Variants in NDEL1 observed in about 807,000 individuals in gnomAD.
NDEL1 encodes nuclear distribution protein nudE-like 1.
A neutral mutation model predicts 45.7 loss-of-function variants in NDEL1; 9 were observed. That is an observed-to-expected ratio of 0.20 (90% CI 0.12 to 0.34). NDEL1 has a LOEUF of 0.34. Ranked by LOEUF, NDEL1 falls within the 10% of genes least tolerant of loss-of-function variation. The pLI, the probability that NDEL1 is intolerant of heterozygous loss-of-function variation, is 1.00. For synonymous variants in NDEL1, 133 were observed against 158.6 expected, an observed-to-expected ratio of 0.84 and a Z score of 1.21; for missense variants, 306 against 406.2, an observed-to-expected ratio of 0.75 and a Z score of 2.12.
chr17:8,419,265 G>A (rs1439309077), intron 1 of NDEL1, among the ~76,000 whole-genome samples: 5 of 152,060 alleles, frequency 3.3e-5, no homozygotes, highest in East Asian at 1.9e-4. Flanking sequence ...TCAAAGTAAC[G>A]TGTATTTGCT....
At chr17:8,425,510 A>T (rs1263602960) in intron 1 of NDEL1, among the ~76,000 whole-genome samples, 2 of 151,634 alleles carry the variant, frequency 1.3e-5, no homozygotes, top group Non-Finnish European at 2.9e-5. Flanking sequence ...TGAGCCCAGG[A>T]GGTCAAGGCT....
intron 8 of NDEL1, chr17:8,466,113 C>T (rs2151744377): frequency 6.6e-6 from 1 of 152,232 alleles, no homozygotes; most frequent in South Asian, 2.1e-4. Flanking sequence ...TATTTTTCTC[C>T]ACCTTATTAA....
chr17:8,418,671 C>CTCCCTCCT (rs1489939055), intron 1 of NDEL1, among the ~76,000 whole-genome samples: 4 of 150,974 alleles, frequency 2.6e-5, no homozygotes, highest in African/African-American at 9.8e-5. Context: ...CCTTCCCTCC[C>CTCCCTCCT]TCCCTCCTTC....
upstream of NDEL1, among the ~76,000 whole-genome samples, chr17:8,435,164 G>A: frequency 6.6e-6 from 1 of 152,080 alleles, no homozygotes; most frequent in Non-Finnish European, 1.5e-5. Flanking sequence ...GGGACCTGGA[G>A]GGGAGAAAGT....
intron 1 of NDEL1, among the ~76,000 whole-genome samples, chr17:8,442,876 G>A (rs550720485): frequency 1.4e-5 from 2 of 143,538 alleles, no homozygotes; most frequent in South Asian, 2.3e-4. Flanking sequence ...TGCAAGCTCC[G>A]CCTCCCGGGT....
chr17:8,424,249 C>A (rs1265397383), intron 1 of NDEL1, among the ~76,000 whole-genome samples: 12 of 152,186 alleles, frequency 7.9e-5, no homozygotes, highest in Non-Finnish European at 2.9e-5. Flanking sequence ...ATATTGTGGA[C>A]ATTTTCCTTA....
Position 8,446,909 on chromosome 17 carries a change from G to A in NDEL1, c.389+7G>A, listed in dbSNP as rs751011771. 124 of 1,612,796 alleles carry A rather than the reference G, an allele frequency of 7.7e-5. No individual in the cohort carries two copies. Among genetic ancestry groups the A allele is most frequent in the Non-Finnish European group, 1.0e-4 (119 of 1,179,388 alleles). ...ACCTGGAGCGAGCCAAAAGGTAAAC[G>A]AATGACTGCATTTTGTTAGAAAAAA... On this transcript the variant is annotated splice_region_variant and intron_variant, in intron 4 of 8. Coordinates refer to ENST00000334527, the MANE Select transcript of NDEL1 (RefSeq NM_030808.5).
intron 1 of NDEL1, among the ~76,000 whole-genome samples, chr17:8,443,293 G>A (rs1909879147): frequency 6.6e-6 from 1 of 152,192 alleles, no homozygotes; most frequent in Admixed American, 6.5e-5. Context: ...AGCATGTGTG[G>A]GGTACAGAGG....
At chr17:8,457,107 A>T (rs1257681205) in intron 7 of NDEL1, among the ~76,000 whole-genome samples, 1 of 152,158 alleles carries the variant, frequency 6.6e-6, no homozygotes, top group Non-Finnish European at 1.5e-5. Flanking sequence ...AATATTTCGT[A>T]TTGTAGCTGA....
downstream of NDEL1, among the ~76,000 whole-genome samples, chr17:8,471,786 G>T (rs1369954034): frequency 6.6e-6 from 1 of 152,204 alleles, no homozygotes; most frequent in African/African-American, 2.4e-5. Context: ...ATTCCCAAAT[G>T]GCAGGTGCCT....
Position 8,448,640 on chromosome 17 carries a change from G to A in NDEL1, c.480G>A (p.Lys160=), listed in dbSNP as rs777298757. ...NAFLESELDE[K]ESLLVSVQRL... ...TTTTAGAAAGTGAACTTGATGAAAAGGAATCTTTGTTGGTCTCTGTACAGA... is the reference window on the plus strand; with the variant it reads ...TTTTAGAAAGTGAACTTGATGAAAAAGAATCTTTGTTGGTCTCTGTACAGA... The change falls in exon 5 of 9, where the codon AAG becomes AAA. Residue 160 remains lysine (K), a synonymous_variant. Coordinates refer to ENST00000334527, the MANE Select transcript of NDEL1 (RefSeq NM_030808.5). 2 of 1,614,180 alleles carry A rather than the reference G, an allele frequency of 1.2e-6. No homozygotes were observed. Among genetic ancestry groups the A allele is most frequent in the Non-Finnish European group, 1.7e-6 (2 of 1,180,016 alleles).
At chr17:8,468,216 C>G (rs776807321), downstream of NDEL1, 6 of 152,218 alleles carry the variant, frequency 3.9e-5, no homozygotes, top group African/African-American at 1.4e-4. Context: ...AGCTGGGGCC[C>G]GTAAAGCCAG....
chr17:8,445,158 C>T (rs929780186), intron 2 of NDEL1: 8 of 151,728 alleles, frequency 5.3e-5, no homozygotes, highest in African/African-American at 1.9e-4. Flanking sequence ...AATAGAATTA[C>T]AAAGAAAATC....
At chr17:8,466,823 G>C in intron 8 of NDEL1, 107 bp from the exon 9 acceptor site, 1 of 1,136,904 alleles carries the variant, frequency 8.8e-7, no homozygotes, top group Non-Finnish European at 1.3e-6. Context: ...TACAGCCTGC[G>C]AGGAATAGTT....
chr17:8,428,454 T>A (rs1482486745), intron 1 of NDEL1, among the ~76,000 whole-genome samples: 1 of 145,398 alleles, frequency 6.9e-6, no homozygotes, highest in Non-Finnish European at 1.5e-5. Context: ...AACCTCCGCC[T>A]CCCAGGTTCA....
At position 8,467,071 on chromosome 17, in the gene NDEL1, G is replaced by A. The variant is rs771985923; in HGVS notation, c.*48G>A. On this transcript the variant is annotated 3_prime_UTR_variant, in exon 9 of 9. Transcript: ENST00000334527. The surrounding 1 kb of genome is among the most constrained non-coding windows in gnomAD (Gnocchi z 6.3). ...CTCCTGCCCTCCTCCAACAACCCAG[G>A]ACACCCACGCCTCACCCCTCGGTGC... 5.0e-6 allele frequency: 8 copies of A among 1,586,164 alleles called. No individual in the cohort carries two copies. Among genetic ancestry groups the A allele is most frequent in the Non-Finnish European group, 6.9e-6 (8 of 1,156,610 alleles).
intron 1 of NDEL1, among the ~76,000 whole-genome samples, chr17:8,423,935 G>A (rs1182293428): frequency 6.6e-6 from 1 of 152,112 alleles, no homozygotes; most frequent in African/African-American, 2.4e-5. Flanking sequence ...CATAGGCTTA[G>A]GAAATAGTTT....
rs936078978 is a variant in NDEL1, at chr17:8,460,295, G to A, written c.944+135G>A. 20 of 967,000 alleles carry A rather than the reference G, an allele frequency of 2.1e-5. No individual in the cohort carries two copies. The African/African-American group carries it at 3.2e-4, about 15-fold the overall frequency. The allele number at this position is 967,000 out of a possible 1,614,324, so 59.9% of individuals were successfully genotyped here. ...GAAGCCTGTTATCATTCTAATCTTAGGTGACATGACGTCTGTTGTTGTCCT... is the reference window on the plus strand; with the variant it reads ...GAAGCCTGTTATCATTCTAATCTTAAGTGACATGACGTCTGTTGTTGTCCT... On this transcript the variant is annotated intron_variant, in intron 8 of 8. Transcript: ENST00000334527.
intron 8 of NDEL1, chr17:8,463,446 C>T (rs1289152342): frequency 4.7e-6 from 6 of 1,263,618 alleles, no homozygotes; most frequent in Non-Finnish European, 6.8e-6. Flanking sequence ...TTACTAACTG[C>T]ATGGGGCTGA....
Sources: gnomAD v4.1 joint callset for allele counts (sites outside exome capture counted in the v4.1 genomes callset) on GRCh38, gnomAD v4.1.1 for gene constraint, Gnocchi (gnomAD v3.1) non-coding constraint, MANE v1.5 for transcripts, NCBI Gene and HGNC (gene_info 2026-07-23, HGNC 2026-07-21) for gene names.